CORO2A: variants seen among roughly 807,000 people sequenced by gnomAD.
CORO2A encodes coronin 2A.
CORO2A carries 47 observed loss-of-function variants against 62.4 expected under a neutral mutation model. The observed-to-expected ratio is 0.75, with a 90% CI of 0.60 to 0.96. The LOEUF is 0.96. Among genes scored for constraint, CORO2A ranks in the 40% least tolerant of loss-of-function variants. The pLI is 0.00. For synonymous variants in CORO2A, 273 were observed against 268.9 expected, an observed-to-expected ratio of 1.02 and a Z score of -0.15; for missense variants, 610 against 684.1, an observed-to-expected ratio of 0.89 and a Z score of 1.21.
intron 1 of CORO2A, among the ~76,000 whole-genome samples, chr9:98,165,911 C>T (rs75363862): frequency 1.3e-5 from 2 of 152,176 alleles, no homozygotes; most frequent in African/African-American, 4.8e-5. Context: ...CTTTAACCAG[C>T]CCCCCAGGTT....
intron 2 of CORO2A, among the ~76,000 whole-genome samples, chr9:98,144,890 T>C (rs1827621747): frequency 6.6e-6 from 1 of 151,572 alleles, no homozygotes; most frequent in Non-Finnish European, 1.5e-5. Context: ...CTGGACCCAA[T>C]AGAGAGGTGG....
intron 1 of CORO2A, among the ~76,000 whole-genome samples, chr9:98,183,242 T>C (rs960897800): frequency 2.0e-5 from 3 of 152,236 alleles, no homozygotes; most frequent in African/African-American, 7.2e-5. Context: ...GTTCCACAGT[T>C]GGACAGTTTG....
chr9:98,130,162 T>C (rs1296445946), intron 7 of CORO2A, among the ~76,000 whole-genome samples: 2 of 152,152 alleles, frequency 1.3e-5, no homozygotes, highest in Non-Finnish European at 2.9e-5. Context: ...TCACAGCTCA[T>C]TGCAACCTCC....
intron 1 of CORO2A, among the ~76,000 whole-genome samples, chr9:98,191,241 G>A (rs1482573947): frequency 7.0e-6 from 1 of 142,768 alleles, no homozygotes; most frequent in Non-Finnish European, 1.6e-5. Flanking sequence ...TCCTCACTCC[G>A]GACCTCTCAG....
chr9:98,179,810 C>T (rs566432039), intron 1 of CORO2A, among the ~76,000 whole-genome samples: 108 of 152,256 alleles, frequency 7.1e-4, no homozygotes, highest in African/African-American at 2.1e-3. Flanking sequence ...TGAGACCAGC[C>T]TGATCAACAT....
intron 1 of CORO2A, among the ~76,000 whole-genome samples, chr9:98,188,590 C>T (rs771311674): frequency 1.3e-5 from 2 of 152,122 alleles, no homozygotes; most frequent in Non-Finnish European, 2.9e-5. Flanking sequence ...CATGGCGAAA[C>T]ACCGTCTCTA....
chr9:98,156,982 A>G (rs142017165), intron 2 of CORO2A, among the ~76,000 whole-genome samples: 9 of 152,320 alleles, frequency 5.9e-5, no homozygotes, highest in African/African-American at 2.2e-4. Flanking sequence ...GGGTCAAACC[A>G]GTTGAATATC....
chr9:98,170,984 C>T (rs1245933754), intron 1 of CORO2A, among the ~76,000 whole-genome samples: 1 of 152,212 alleles, frequency 6.6e-6, no homozygotes, highest in African/African-American at 2.4e-5. Flanking sequence ...CTTCTGGAGA[C>T]AGAGCAGAGC....
chr9:98,125,709 ATTTTTTTT>A (rs993617176), intron 11 of CORO2A, among the ~76,000 whole-genome samples: 11 of 89,586 alleles, frequency 1.2e-4, no homozygotes, highest in African/African-American at 4.2e-4. Context: ...GTTTCCCACC[ATTTTTTTT>A]TTTTTTTTTT....
At chr9:98,189,343 A>G (rs1175489393) in intron 1 of CORO2A, among the ~76,000 whole-genome samples, 2 of 152,188 alleles carry the variant, frequency 1.3e-5, no homozygotes, top group African/African-American at 4.8e-5. Flanking sequence ...TAGACTTAAA[A>G]CACAAGAAGA....
intron 2 of CORO2A, among the ~76,000 whole-genome samples, chr9:98,138,104 T>C (rs1053538203): frequency 2.6e-5 from 4 of 152,226 alleles, no homozygotes; most frequent in African/African-American, 9.6e-5. Flanking sequence ...ATTCCACTCC[T>C]AGGTCTATCT....
chr9:98,151,202 A>G (rs1363933903), intron 2 of CORO2A, among the ~76,000 whole-genome samples: 1 of 152,236 alleles, frequency 6.6e-6, no homozygotes, highest in African/African-American at 2.4e-5. Context: ...CTAGCAGAAA[A>G]GCACAAAGGA....
chr9:98,145,860 G>A (rs537239948), intron 2 of CORO2A, among the ~76,000 whole-genome samples: 1 of 151,796 alleles, frequency 6.6e-6, no homozygotes, highest in South Asian at 2.1e-4. Flanking sequence ...CTACAGGCAT[G>A]TGCCACCACG....
intron 2 of CORO2A, among the ~76,000 whole-genome samples, chr9:98,145,057 T>A (rs1827624265): frequency 1.3e-5 from 2 of 152,122 alleles, no homozygotes; most frequent in Non-Finnish European, 2.9e-5. Flanking sequence ...CACATTCCCA[T>A]GATTTAGGGC....
Position 98,133,104 on chromosome 9 carries a change from C to T in CORO2A, c.582G>A (p.Leu194=). The T allele has an allele frequency of 6.2e-7, 1 of 1,614,240 alleles. No individual in the cohort carries two copies. Among genetic ancestry groups the T allele is most frequent in the Non-Finnish European group, 8.5e-7 (1 of 1,180,040 alleles). The part of the protein sequence containing the change: ...LSMSFNTNGS[L]LATTCKDRKI... ...TGCGGTCTTTGCAGGTGGTGGCCAA[C>T]AGGCTGCCGTTGGTGTTGAAGGACA... The change falls in exon 5 of 12, where the codon CTG becomes CTA. Residue 194 remains leucine (L), a synonymous_variant. Transcript: ENST00000375077.
At chr9:98,187,777 A>G (rs1476552250) in intron 1 of CORO2A, among the ~76,000 whole-genome samples, 3 of 152,222 alleles carry the variant, frequency 2.0e-5, no homozygotes, top group Non-Finnish European at 4.4e-5. Flanking sequence ...TTGGAGGAAC[A>G]TAAATATTCA....
rs893305794 is a variant in CORO2A, at chr9:98,145,160, G to A, written c.202-7472C>T. Among the ~76,000 whole-genome samples, 4 of 152,180 alleles carry A rather than the reference G, an allele frequency of 2.6e-5. No homozygotes were observed. The East Asian group carries it at 5.8e-4, about 22-fold the overall frequency. On this transcript the variant is annotated intron_variant, in intron 2 of 11. Coordinates refer to ENST00000375077, the MANE Select transcript of CORO2A (RefSeq NM_052820.4). ...TCCAACATCCAGGGATGAAAGCGGT[G>A]AACCACAGCTGGTGTCCCCACTTGG...
At chr9:98,129,537 C>T (rs1377791552) in intron 8 of CORO2A, among the ~76,000 whole-genome samples, 9 of 152,332 alleles carry the variant, frequency 5.9e-5, no homozygotes, top group African/African-American at 1.9e-4. Context: ...CCTCTCTCCC[C>T]TGCTGGGCTC....
Position 98,128,720 on chromosome 9 carries a change from C to T in CORO2A, c.968-1G>A. On this transcript the variant is annotated splice_acceptor_variant, in intron 8 of 11. Coordinates refer to ENST00000375077, the MANE Select transcript of CORO2A (RefSeq NM_052820.4). LOFTEE classifies it high-confidence loss of function. ...TCGAGTCCTCTCTTTGGCATGACACCTGAAGGCAGACAGGGAGGGCCAAGA... is the reference window on the plus strand; with the variant it reads ...TCGAGTCCTCTCTTTGGCATGACACTTGAAGGCAGACAGGGAGGGCCAAGA... The T allele has an allele frequency of 6.2e-7, 1 of 1,613,756 alleles. No homozygotes were observed. Among genetic ancestry groups the T allele is most frequent in the Non-Finnish European group, 8.5e-7 (1 of 1,179,682 alleles).
Sources: allele counts gnomAD v4.1 joint callset (sites outside exome capture counted in the v4.1 genomes callset), GRCh38; gene constraint gnomAD v4.1.1; transcripts MANE v1.5; gene names NCBI Gene and HGNC (gene_info 2026-07-23, HGNC 2026-07-21).